Variants in FSTL5 observed in about 807,000 individuals in gnomAD.
The protein encoded by FSTL5 is follistatin like 5.
In FSTL5, 62 loss-of-function variants were observed where a neutral mutation model predicts 89.1. The observed-to-expected ratio is 0.70, with a 90% confidence interval of 0.57 to 0.86. The LOEUF is 0.86. FSTL5 is among the 40% of genes least tolerant of loss of function. The pLI is 0.00. For synonymous variants in FSTL5, 383 were observed against 346.2 expected (o/e 1.11, Z -1.18); for missense variants, 1,057 against 1,001.6 (o/e 1.06, Z -0.75).
At chr4:162,101,527 C>T (rs912208928) in intron 2 of FSTL5, among the ~76,000 whole-genome samples, 7 of 152,104 alleles carry the variant, frequency 4.6e-5, no homozygotes, top group African/African-American at 1.7e-4. Flanking sequence ...AAGTTTGTGG[C>T]TGTGTCATCA....
intron 4 of FSTL5, among the ~76,000 whole-genome samples, chr4:161,812,417 G>C (rs924072577): frequency 1.3e-5 from 2 of 152,204 alleles, no homozygotes; most frequent in African/African-American, 4.8e-5. Flanking sequence ...GAGCCACACT[G>C]ACTGGGGAGA....
rs1205914942 is a variant in FSTL5, at chr4:161,459,275, T to C, written c.1653A>G (p.Lys551=). Residue 551 remains lysine, a synonymous_variant, in exon 14 of 16, where the codon AAA becomes AAG. Transcript: ENST00000306100. ...TTAGCACCCAGACCTGATCATGTGA[T>C]TTGTCATAGTGTAATTTAACTGGGA... The part of the protein sequence containing the change: ...DPVPVKLHYD[K]SHDQVWVLSW... 1 of 1,613,602 alleles carries C rather than the reference T, an allele frequency of 6.2e-7. No individual in the cohort carries two copies. The highest frequency in any genetic ancestry group is 8.5e-7 in the Non-Finnish European group (1 of 1,179,622).
intron 4 of FSTL5, among the ~76,000 whole-genome samples, chr4:161,889,816 T>C (rs1732929505): frequency 6.6e-6 from 1 of 152,212 alleles, no homozygotes; most frequent in South Asian, 2.1e-4. Context: ...CAGGCCATCT[T>C]TATCCACCTA....
chr4:161,845,338 A>G (rs754299169), intron 4 of FSTL5, among the ~76,000 whole-genome samples: 1 of 152,212 alleles, frequency 6.6e-6, no homozygotes, highest in Non-Finnish European at 1.5e-5. Context: ...TTGCAGAAAT[A>G]TAACAGGCTC....
At chr4:161,605,934 A>T (rs1337921735) in intron 7 of FSTL5, among the ~76,000 whole-genome samples, 2 of 149,466 alleles carry the variant, frequency 1.3e-5, no homozygotes, top group Non-Finnish European at 2.9e-5. Flanking sequence ...GCAAGCAGAG[A>T]CATGGAAAAA....
intron 4 of FSTL5, among the ~76,000 whole-genome samples, chr4:161,784,850 CGCCACT>C (rs1741828004): frequency 7.7e-6 from 1 of 130,436 alleles, no homozygotes; most frequent in African/African-American, 2.9e-5. Flanking sequence ...GCCAAGATCG[CGCCACT>C]GCACTCCAGT....
chr4:161,999,440 A>T (rs1370515392), intron 3 of FSTL5, among the ~76,000 whole-genome samples: 1 of 152,190 alleles, frequency 6.6e-6, no homozygotes, highest in Non-Finnish European at 1.5e-5. Context: ...CTTTAAACCA[A>T]TAATATACAT....
At chr4:161,827,632 G>A (rs528886833) in intron 4 of FSTL5, among the ~76,000 whole-genome samples, 1 of 152,298 alleles carries the variant, frequency 6.6e-6, no homozygotes, top group African/African-American at 2.4e-5. Flanking sequence ...TGCTGTGGCT[G>A]CTGTGGAAGA....
At chr4:161,843,591 C>T (rs539394511) in intron 4 of FSTL5, among the ~76,000 whole-genome samples, 1 of 152,268 alleles carries the variant, frequency 6.6e-6, no homozygotes, top group South Asian at 2.1e-4. Context: ...GGTACCCAAA[C>T]AGATATATAG....
chr4:162,062,303 T>C (rs1738747671), intron 2 of FSTL5, among the ~76,000 whole-genome samples: 1 of 151,956 alleles, frequency 6.6e-6, no homozygotes, highest in Non-Finnish European at 1.5e-5. Context: ...AATATGAATA[T>C]ATACTAGCCA....
chr4:161,636,675 A>C (rs1417845314), intron 7 of FSTL5, among the ~76,000 whole-genome samples: 1 of 143,220 alleles, frequency 7.0e-6, no homozygotes, highest in Non-Finnish European at 1.5e-5. Flanking sequence ...ATGTGATCTC[A>C]TTGTTCAATT....
intron 6 of FSTL5, among the ~76,000 whole-genome samples, chr4:161,719,247 A>C (rs1468906630): frequency 6.6e-6 from 1 of 152,096 alleles, no homozygotes; most frequent in Non-Finnish European, 1.5e-5. Context: ...GTTGAAGTTA[A>C]CCACAACTTT....
At chr4:161,542,805 T>C (rs1281229578) in intron 8 of FSTL5, 112 bp from the exon 9 acceptor site, 1 of 549,056 alleles carries the variant, frequency 1.8e-6, no homozygotes, top group Non-Finnish European at 2.8e-6. Flanking sequence ...TTAATGATGC[T>C]ATACGTTTCT....
At chr4:162,059,546 A>C (rs563108549) in intron 2 of FSTL5, among the ~76,000 whole-genome samples, 26 of 152,324 alleles carry the variant, frequency 1.7e-4, no homozygotes, top group African/African-American at 6.3e-4. Flanking sequence ...TAATATCATC[A>C]GTATCTTCAA....
At chr4:161,590,469 G>A (rs12645030) in intron 7 of FSTL5, among the ~76,000 whole-genome samples, 26,304 of 152,156 alleles carry the variant, frequency 0.17, 2,380 homozygotes, top group Middle Eastern at 0.32. Context: ...AACCCGAGAG[G>A]TGGAGGTTGC....
intron 6 of FSTL5, among the ~76,000 whole-genome samples, chr4:161,740,975 G>C (rs1740005839): frequency 6.6e-6 from 1 of 152,120 alleles, no homozygotes; most frequent in Admixed American, 6.5e-5. Context: ...CAGCAAAGCA[G>C]CTCTCTGGGA....
At chr4:161,834,201 C>G (rs1730951202) in intron 4 of FSTL5, among the ~76,000 whole-genome samples, 1 of 152,018 alleles carries the variant, frequency 6.6e-6, no homozygotes, top group Non-Finnish European at 1.5e-5. Flanking sequence ...AAGACAAAAA[C>G]CACATGATTA....
chr4:161,970,265 A>G (rs114461892), intron 3 of FSTL5, among the ~76,000 whole-genome samples: 1,880 of 152,198 alleles, frequency 0.012, 51 homozygotes, highest in African/African-American at 0.042. Flanking sequence ...CTAAGGATTT[A>G]AAATCACAGG....
chr4:162,120,465 T>A (rs13111249), intron 1 of FSTL5, among the ~76,000 whole-genome samples: 132,750 of 152,042 alleles, frequency 0.87, 58,867 homozygotes, highest in Non-Finnish European at 0.95. Context: ...ACATAATACA[T>A]CATAGAACAC....
Sources: allele counts gnomAD v4.1 joint callset (sites outside exome capture counted in the v4.1 genomes callset), GRCh38; gene constraint gnomAD v4.1.1; transcripts MANE v1.5; gene names NCBI Gene and HGNC (gene_info 2026-07-23, HGNC 2026-07-21).